The following ALDH9A1 variants were observed in gnomAD, a reference collection of about 807,000 sequenced individuals.
ALDH9A1 encodes the protein aldehyde dehydrogenase 9 family member A1.
A neutral mutation model predicts 56.6 loss-of-function variants in ALDH9A1; 42 were observed. That is an observed-to-expected ratio of 0.74 (90% CI 0.58 to 0.96). The LOEUF (loss-of-function observed/expected upper bound fraction) is 0.96, where lower values mean the gene tolerates loss of function less well. Among genes scored for constraint, ALDH9A1 ranks in the 40% least tolerant of loss-of-function variants. The probability of loss-of-function intolerance (pLI) is 0.00; values close to 1 mark genes in which losing one functional copy is unlikely to be tolerated. For missense variants in ALDH9A1, 661 were observed against 651.5 expected (o/e 1.01, Z -0.16); for synonymous variants, 242 against 236.0 (o/e 1.03, Z -0.23).
intron 6 of ALDH9A1, among the ~76,000 whole-genome samples, chr1:165,670,674 A>G (rs1649148343): frequency 6.6e-6 from 1 of 152,240 alleles, no homozygotes; most frequent in African/African-American, 2.4e-5. Context: ...AATTTTAAAA[A>G]ACTCTTAACA....
intron 6 of ALDH9A1, 36 bp from the exon 7 acceptor site, chr1:165,669,486 T>A: frequency 6.6e-7 from 1 of 1,520,734 alleles, no homozygotes; most frequent in African/African-American, 1.4e-5. Context: ...TTTCTATGTG[T>A]GTAAGGAGAA....
At chr1:165,663,779 G>A (rs1252714630) in intron 10 of ALDH9A1, among the ~76,000 whole-genome samples, 1 of 152,200 alleles carries the variant, frequency 6.6e-6, no homozygotes, top group Non-Finnish European at 1.5e-5. Context: ...GCATTTCCAG[G>A]GAGCACCACT....
At chr1:165,697,355 G>T (rs953906873) in intron 1 of ALDH9A1, among the ~76,000 whole-genome samples, 1 of 152,154 alleles carries the variant, frequency 6.6e-6, no homozygotes, top group African/African-American at 2.4e-5. Context: ...TCCAAAAAAA[G>T]CCATTAACTA....
At position 165,662,942 on chromosome 1, in the gene ALDH9A1, G is replaced by A. The variant is rs188329861; in HGVS notation, c.*108C>T. On this transcript the variant is annotated 3_prime_UTR_variant, in exon 11 of 11. Coordinates refer to ENST00000354775, the MANE Select transcript of ALDH9A1 (RefSeq NM_000696.4). ...CATGAACCATTCTCTTATACTGAAC[G>A]CCAAAATTCTGGATGTAAAATAACA... The A allele has an allele frequency of 1.6e-5, 16 of 986,008 alleles. No individual in the cohort carries two copies. Among genetic ancestry groups the A allele is most frequent in the African/African-American group, 1.3e-4 (8 of 62,870 alleles). The allele number at this position is 986,008 out of a possible 1,614,324, so 61.1% of individuals were successfully genotyped here.
chr1:165,680,659 G>C lies in ALDH9A1; in HGVS notation c.617C>G (p.Ser206Cys). The stretch of plus-strand genomic sequence containing the variant: ...CAATGCAGAAACAGGTGTAAAGGGA[G>C]AAGGTTTAAAGACCATGGCATTACC... ...ACGNAMVFKP[S>C]PFTPVSALLL... Residue 206 changes from serine to cysteine, a missense_variant, in exon 5 of 11, where the codon TCT becomes TGT. Transcript: ENST00000354775. 1 of 1,613,112 alleles carries C rather than the reference G, an allele frequency of 6.2e-7. No individual in the cohort carries two copies. The highest frequency in any genetic ancestry group is 8.5e-7 in the Non-Finnish European group (1 of 1,179,670).
intron 2 of ALDH9A1, among the ~76,000 whole-genome samples, chr1:165,684,344 A>G (rs1406445427): frequency 1.3e-5 from 2 of 152,180 alleles, no homozygotes; most frequent in Non-Finnish European, 1.5e-5. Context: ...CAGAAAGGAT[A>G]ATCTGTTCAC....
chr1:165,685,591 G>A (rs921416225), intron 2 of ALDH9A1, among the ~76,000 whole-genome samples: 9 of 152,162 alleles, frequency 5.9e-5, no homozygotes, highest in Non-Finnish European at 1.2e-4. Context: ...CAAACTCAGC[G>A]TCATGGCATT....
intron 6 of ALDH9A1, among the ~76,000 whole-genome samples, chr1:165,678,437 TATAA>T (rs1290599781): frequency 2.0e-5 from 3 of 152,230 alleles, no homozygotes; most frequent in African/African-American, 7.2e-5. Flanking sequence ...TCCATACTGA[TATAA>T]ATAAATGAAT....
chr1:165,669,141 G>C (rs1649095700), intron 7 of ALDH9A1, 121 bp downstream of exon 7: 3 of 1,313,158 alleles, frequency 2.3e-6, no homozygotes, highest in Non-Finnish European at 3.2e-6. Flanking sequence ...ACACAGCCAG[G>C]GATGCTAATA....
Position 165,680,590 on chromosome 1 carries a change from A to G in ALDH9A1, c.686T>C (p.Leu229Pro). 2.5e-6 allele frequency: 4 copies of G among 1,614,212 alleles called. No homozygotes were observed. The highest frequency in any genetic ancestry group is 2.5e-6 in the Non-Finnish European group (3 of 1,180,030). The change falls in exon 5 of 11, where the codon CTC becomes CCC. Residue 229 changes from leucine to proline, a missense_variant. By Grantham distance (98) the Leu-to-Pro change is moderately conservative. Coordinates refer to ENST00000354775, the MANE Select transcript of ALDH9A1 (RefSeq NM_000696.4). ...IYSEAGVPPG[L>P]FNVVQGGAAT... ...AGCCCCTCCCTGCACCACATTGAAG[A>G]GCCCAGGAGGTACACCAGCCTCACT... is the stretch of plus-strand genomic sequence containing the variant.
intron 6 of ALDH9A1, among the ~76,000 whole-genome samples, chr1:165,677,710 T>C (rs1649408328): frequency 6.6e-6 from 1 of 151,702 alleles, no homozygotes; most frequent in African/African-American, 2.4e-5. Flanking sequence ...CACAAAAAAT[T>C]AGCCAGGCGT....
Position 165,670,180 on chromosome 1 carries a change from C to A in ALDH9A1, c.931-730G>T, listed in dbSNP as rs754871518. ...GGGCGCAGTGGCTCACATCTGTAAT[C>A]CCAGCACTTTGGGAGGACAAGGTGG... On this transcript the variant is annotated intron_variant, in intron 6 of 10. Coordinates refer to ENST00000354775, the MANE Select transcript of ALDH9A1 (RefSeq NM_000696.4). Among the ~76,000 whole-genome samples the A allele has an allele frequency of 1.5e-4, 23 of 152,280 alleles. No homozygotes were observed. The Middle Eastern group carries it at 0.014, about 90-fold the overall frequency.
chr1:165,681,042 C>CTA, intron 4 of ALDH9A1, among the ~76,000 whole-genome samples: 1 of 152,168 alleles, frequency 6.6e-6, no homozygotes, highest in African/African-American at 2.4e-5. Flanking sequence ...GACTTATTCA[C>CTA]TATCAGGAGA....
At chr1:165,691,300 G>C (rs1649882823) in intron 2 of ALDH9A1, among the ~76,000 whole-genome samples, 1 of 152,212 alleles carries the variant, frequency 6.6e-6, no homozygotes, top group Non-Finnish European at 1.5e-5. Flanking sequence ...TGAGGGTCCT[G>C]ACTATTAGAA....
intron 2 of ALDH9A1, among the ~76,000 whole-genome samples, chr1:165,692,602 A>G (rs1014099414): frequency 2.6e-5 from 4 of 152,198 alleles, no homozygotes; most frequent in South Asian, 2.1e-4. Flanking sequence ...ATGCTCATGG[A>G]TAGGAAGAAT....
chr1:165,697,286 C>T (rs1162142381), intron 1 of ALDH9A1, among the ~76,000 whole-genome samples: 2 of 152,126 alleles, frequency 1.3e-5, no homozygotes, highest in Non-Finnish European at 2.9e-5. Context: ...ACTATGGTTA[C>T]CAATACTGCA....
rs139040317 is a variant in ALDH9A1 at position 165,669,311 on chromosome 1, C to G, written c.1070G>C (p.Arg357Pro). The G allele has an allele frequency of 1.9e-6, 3 of 1,613,416 alleles. No homozygotes were observed. The Admixed American group carries it at 5.0e-5, about 27-fold the overall frequency. ...EDTRMGPLINRPHLERVLGFV... is the reference protein window; with the variant it reads ...EDTRMGPLINPPHLERVLGFV... ...CCCAAGGACTCGCTCCAGGTGTGGT[C>G]GGTTGATGAGTGGACCCATCCTTGT... The change falls in exon 7 of 11, where the codon CGA becomes CCA. Residue 357 changes from arginine (R) to proline (P), a missense_variant. Physicochemically the swap from Arg to Pro is moderately radical, Grantham distance 103. Transcript: ENST00000354775.
At chr1:165,671,680 C>T (rs1167060491) in intron 6 of ALDH9A1, 1 of 468,918 alleles carries the variant, frequency 2.1e-6, no homozygotes, top group Non-Finnish European at 4.2e-6. Flanking sequence ...AGTGAGTCCT[C>T]TCTCCCAACT....
intron 2 of ALDH9A1, among the ~76,000 whole-genome samples, chr1:165,691,424 G>A (rs1032587691): frequency 6.6e-6 from 1 of 152,194 alleles, no homozygotes; most frequent in Non-Finnish European, 1.5e-5. Flanking sequence ...CCACAAAGAT[G>A]GGGAGAAACC....
Sources: gnomAD v4.1 joint callset for allele counts (sites outside exome capture counted in the v4.1 genomes callset) on GRCh38, gnomAD v4.1.1 for gene constraint, MANE v1.5 for transcripts, NCBI Gene and HGNC (gene_info 2026-07-23, HGNC 2026-07-21) for gene names.